Variants in VRK2 observed in about 807,000 individuals in gnomAD.
VRK2 encodes the protein VRK serine/threonine kinase 2.
VRK2 carries 60 observed loss-of-function variants against 57.6 expected under a neutral mutation model. The ratio of observed to expected loss-of-function variants is 1.04; its 90% CI spans 0.85 to 1.29. The LOEUF (loss-of-function observed/expected upper bound fraction) is 1.29. Among genes scored for constraint, VRK2 ranks in the 50% most tolerant of loss-of-function variants. VRK2 has a pLI of 0.00. For synonymous variants in VRK2, 231 were observed against 199.2 expected (o/e 1.16, Z -1.35); for missense variants, 705 against 588.1 (o/e 1.20, Z -2.06).
intron 12 of VRK2, among the ~76,000 whole-genome samples, 190 bp downstream of exon 12, chr2:58,146,664 A>G (rs1682186639): frequency 6.6e-6 from 1 of 152,012 alleles, no homozygotes; most frequent in Non-Finnish European, 1.5e-5. Context: ...TAGAAACAGA[A>G]TAGCAGTAAG....
chr2:57,983,698 T>C (rs1032268368), intron 1 of VRK2, among the ~76,000 whole-genome samples: 2 of 152,304 alleles, frequency 1.3e-5, no homozygotes, highest in African/African-American at 4.8e-5. Flanking sequence ...GTGTATACAA[T>C]GCTGCACAAA....
chr2:58,117,891 A>G (rs988968921), intron 7 of VRK2, among the ~76,000 whole-genome samples: 1 of 152,158 alleles, frequency 6.6e-6, no homozygotes, highest in Non-Finnish European at 1.5e-5. Context: ...AGGCAAGCCC[A>G]GAGAAAAGAG....
chr2:58,064,957 T>C (rs544156065), intron 2 of VRK2, among the ~76,000 whole-genome samples: 19 of 152,122 alleles, frequency 1.2e-4, no homozygotes, highest in Non-Finnish European at 2.8e-4. Flanking sequence ...TCACTTACCT[T>C]CTTTCTCATT....
intron 1 of VRK2, among the ~76,000 whole-genome samples, chr2:57,935,685 T>C (rs1670883216): frequency 6.6e-6 from 1 of 152,172 alleles, no homozygotes. Context: ...CTTTGAACTG[T>C]GCTGATTACC....
chr2:58,028,064 C>CA (rs1320161902), intron 2 of VRK2, among the ~76,000 whole-genome samples: 2 of 152,176 alleles, frequency 1.3e-5, no homozygotes, highest in Non-Finnish European at 2.9e-5. Context: ...AAAATAGACT[C>CA]AAACAATCCC....
intron 8 of VRK2, among the ~76,000 whole-genome samples, chr2:58,126,254 C>G (rs1303911232): frequency 1.3e-5 from 2 of 152,038 alleles, no homozygotes; most frequent in African/African-American, 4.8e-5. Context: ...AATACTCAAG[C>G]TTCAATGTAA....
chr2:57,950,015 G>A (rs1340224061), intron 1 of VRK2, among the ~76,000 whole-genome samples: 2 of 152,186 alleles, frequency 1.3e-5, no homozygotes, highest in Admixed American at 6.5e-5. Context: ...GTTGAGAGAG[G>A]TGAAGAAGCT....
chr2:57,929,585 A>G (rs1341626273), intron 1 of VRK2, among the ~76,000 whole-genome samples: 1 of 152,136 alleles, frequency 6.6e-6, no homozygotes. Context: ...GGTGGAAGAC[A>G]AAGTCCCCTT....
chr2:57,951,353 A>G (rs1671422190), intron 1 of VRK2, among the ~76,000 whole-genome samples: 1 of 152,186 alleles, frequency 6.6e-6, no homozygotes, highest in South Asian at 2.1e-4. Context: ...CTTCATGCAG[A>G]CGAGCAAAGA....
chr2:57,945,540 T>A (rs1432055024), intron 1 of VRK2, among the ~76,000 whole-genome samples: 7 of 152,216 alleles, frequency 4.6e-5, no homozygotes, highest in Admixed American at 3.9e-4. Context: ...ATTCTCATCA[T>A]GCTATTCACT....
At chr2:58,150,955 G>A (rs778355903) in intron 12 of VRK2, among the ~76,000 whole-genome samples, 1 of 151,110 alleles carries the variant, frequency 6.6e-6, no homozygotes, top group Non-Finnish European at 1.5e-5. Flanking sequence ...TTTTGTTATT[G>A]ATTTCTAATT....
At chr2:58,020,155 T>C (rs549494054) in intron 1 of VRK2, among the ~76,000 whole-genome samples, 33 of 152,350 alleles carry the variant, frequency 2.2e-4, no homozygotes, top group African/African-American at 7.9e-4. Context: ...AAGTACTACC[T>C]ACCCACTGAA....
chr2:58,021,684 G>A (rs1002273642), intron 1 of VRK2, among the ~76,000 whole-genome samples: 1 of 151,928 alleles, frequency 6.6e-6, no homozygotes, highest in Non-Finnish European at 1.5e-5. Flanking sequence ...CCCCAAATCA[G>A]TGGATTGAAT....
intron 1 of VRK2, among the ~76,000 whole-genome samples, chr2:57,956,756 A>C (rs1049588312): frequency 6.6e-6 from 1 of 152,186 alleles, no homozygotes; most frequent in African/African-American, 2.4e-5. Context: ...TTTTTCAATA[A>C]GAATATTCTT....
intron 1 of VRK2, among the ~76,000 whole-genome samples, chr2:58,012,439 C>A (rs1673442509): frequency 6.6e-6 from 1 of 152,158 alleles, no homozygotes; most frequent in Non-Finnish European, 1.5e-5. Flanking sequence ...TTGGAGCAAC[C>A]AGAAGCTCCT....
At chr2:57,921,038 T>G (rs886890351) in intron 1 of VRK2, among the ~76,000 whole-genome samples, 1 of 152,058 alleles carries the variant, frequency 6.6e-6, no homozygotes, top group Non-Finnish European at 1.5e-5. Context: ...GTGGTGTGAC[T>G]GTTAACGAAT....
intron 2 of VRK2, among the ~76,000 whole-genome samples, chr2:58,067,694 TG>T (rs1668793274): frequency 6.6e-6 from 1 of 152,140 alleles, no homozygotes; most frequent in African/African-American, 2.4e-5. Context: ...GGTTGTCTTG[TG>T]TATTATATCT....
intron 7 of VRK2, among the ~76,000 whole-genome samples, chr2:58,090,639 A>G (rs1180142263): frequency 6.6e-6 from 1 of 152,124 alleles, no homozygotes; most frequent in African/African-American, 2.4e-5. Context: ...GCCACTTTGG[A>G]AGACAGTTGG....
chr2:57,937,613 G>T (rs929793956), intron 1 of VRK2, among the ~76,000 whole-genome samples: 3 of 152,168 alleles, frequency 2.0e-5, no homozygotes, highest in African/African-American at 7.2e-5. Context: ...GAAGTAAACA[G>T]ACCCAGCGGT....
Sources: gnomAD v4.1 joint callset for allele counts (sites outside exome capture counted in the v4.1 genomes callset) on GRCh38, gnomAD v4.1.1 for gene constraint, MANE v1.5 for transcripts, NCBI Gene and HGNC (gene_info 2026-07-23, HGNC 2026-07-21) for gene names.